The following HOXD4 variants were observed in gnomAD, a reference collection of about 807,000 sequenced individuals.
The protein encoded by HOXD4 is homeobox protein Hox-D4.
Under a neutral mutation model 22.6 loss-of-function variants are expected in HOXD4, and 15 were observed. That is an observed-to-expected ratio of 0.67 (90% CI 0.45 to 1.02). The LOEUF is 1.02. HOXD4 is among the 50% of genes least tolerant of loss of function. HOXD4 has a pLI of 0.00. For synonymous variants in HOXD4, 176 were observed against 157.0 expected (o/e 1.12, Z -0.90); for missense variants, 350 against 346.6 (o/e 1.01, Z -0.08).
chr2:176,152,906 G>T lies in HOXD4; in HGVS notation c.732G>T (p.Met244Ile). 6.2e-7 allele frequency: 1 copy of T among 1,614,178 alleles called. No individual in the cohort carries two copies. Among genetic ancestry groups the T allele is most frequent in the South Asian group, 1.1e-5 (1 of 91,080 alleles). ...CCCCCAGCCAGCATTTACAGCCGAT[G>T]GCCAAAGACCACCACACGGACCTGA... ...SVAPSQHLQP[M>I]AKDHHTDLTT... is the part of the protein sequence containing the mutation. The change falls in exon 2 of 2, where the codon ATG (methionine) becomes ATT (isoleucine). Residue 244 changes from methionine to isoleucine, a missense_variant. Physicochemically the swap from Met to Ile is conservative, Grantham distance 10. Transcript: ENST00000306324. The surrounding 1 kb of genome is among the most constrained non-coding windows in gnomAD (Gnocchi z 5.2).
chr2:176,152,540 G>T lies in HOXD4; in HGVS notation c.434-68G>T. On this transcript the variant is annotated intron_variant, in intron 1 of 1. Transcript: ENST00000306324. The surrounding 1 kb of genome is among the most constrained non-coding windows in gnomAD (Gnocchi z 5.2). ...CCTCGGGGCGCGCCAGGAAGTGAGC[G>T]GCGGAGGCGAGGGGCCTAACTAGTG... 7.4e-7 allele frequency: 1 copy of T among 1,348,494 alleles called. No individual in the cohort carries two copies. The allele number at this position is 1,348,494 out of a possible 1,614,324, so 83.5% of individuals were successfully genotyped here.
chr2:176,151,604 A>G lies in HOXD4; in HGVS notation c.-30A>G. 2 of 1,590,472 alleles carry G rather than the reference A, an allele frequency of 1.3e-6. No homozygotes were observed. The highest frequency in any genetic ancestry group is 1.7e-6 in the Non-Finnish European group (2 of 1,159,804). ...AAGGAGAAAAAAAGACAACACGAGA[A>G]AAATTAGTATTTTCTACCTTCTGAA... On this transcript the variant is annotated 5_prime_UTR_variant, in exon 1 of 2. Coordinates refer to ENST00000306324, the MANE Select transcript of HOXD4 (RefSeq NM_014621.3).
chr2:176,152,894 T>A lies in HOXD4; in HGVS notation c.720T>A (p.His240Gln). ...CCTCCTCAGTCGCCCCCAGCCAGCA[T>A]TTACAGCCGATGGCCAAAGACCACC... ...SCSSSVAPSQ[H>Q]LQPMAKDHHT... The change falls in exon 2 of 2, where the codon CAT becomes CAA. Residue 240 changes from histidine to glutamine, a missense_variant. His to Gln is a conservative substitution (Grantham distance 24). Transcript: ENST00000306324. This position sits in a 1 kb window ranked among gnomAD's most constrained non-coding sequence, Gnocchi z 5.2. 1 of 1,614,164 alleles carries A rather than the reference T, an allele frequency of 6.2e-7. No homozygotes were observed. The highest frequency in any genetic ancestry group is 1.1e-5 in the South Asian group (1 of 91,084).
chr2:176,151,759 G>A lies in HOXD4; in HGVS notation c.126G>A (p.Gln42=), dbSNP rs1477068508. Residue 42 remains glutamine, a synonymous_variant, in exon 1 of 2, where the codon CAG becomes CAA. Transcript: ENST00000306324. ...QGADYYGGGA[Q]GADFQPPGLY... ...CCGACTACTACGGCGGCGGCGCGCA[G>A]GGCGCAGACTTCCAGCCCCCGGGGC... is the stretch of plus-strand genomic sequence containing the variant. 7 of 1,612,798 alleles carry A rather than the reference G, an allele frequency of 4.3e-6. No individual in the cohort carries two copies. The highest frequency in any genetic ancestry group is 5.9e-6 in the Non-Finnish European group (7 of 1,179,890).
Position 176,153,034 on chromosome 2 carries a change from T to G in HOXD4, c.*92T>G. On this transcript the variant is annotated 3_prime_UTR_variant, in exon 2 of 2. Coordinates refer to ENST00000306324, the MANE Select transcript of HOXD4 (RefSeq NM_014621.3). ...GGCCTGCTGTCACCTCGCTGGGCTC[T>G]AAGGTACTGTGGGGTGGACCTGGGA... 2 of 1,285,150 alleles carry G rather than the reference T, an allele frequency of 1.6e-6. No individual in the cohort carries two copies. Among genetic ancestry groups the G allele is most frequent in the Non-Finnish European group, 2.3e-6 (2 of 887,972 alleles). 79.6% of individuals were successfully genotyped at this position (1,285,150 alleles called of 1,614,324 possible). A position where few individuals can be genotyped will look rare whatever the true frequency, so the allele number is the denominator to read the frequency against.
Position 176,153,097 on chromosome 2 carries a change from C to A in HOXD4, c.*155C>A. 2 of 401,110 alleles carry A rather than the reference C, an allele frequency of 5.0e-6. No individual in the cohort carries two copies. Among genetic ancestry groups the A allele is most frequent in the Non-Finnish European group, 9.6e-6 (2 of 208,922 alleles). The allele number at this position is 401,110 out of a possible 1,614,324, so 24.8% of individuals were successfully genotyped here. On this transcript the variant is annotated 3_prime_UTR_variant, in exon 2 of 2. Coordinates refer to ENST00000306324, the MANE Select transcript of HOXD4 (RefSeq NM_014621.3). ...CCTCGGACTAGGTTAGCATCCTGCC[C>A]GAGGGCAGCCCCCTCCCTAGAGCGG...
chr2:176,151,882 C>A lies in HOXD4; in HGVS notation c.249C>A (p.Gly83=). The A allele has an allele frequency of 6.3e-7, 1 of 1,583,944 alleles. No individual in the cohort carries two copies. The highest frequency in any genetic ancestry group is 8.6e-7 in the Non-Finnish European group (1 of 1,164,824). Residue 83 remains glycine (G), a synonymous_variant, in exon 1 of 2, where the codon GGC becomes GGA. Transcript: ENST00000306324. ...LPARGHGQEP[G]GPGGHYAAPG... ...CGCGGGGTCACGGACAAGAGCCAGG[C>A]GGCCCCGGCGGTCACTACGCCGCTC...
In HOXD4 at chr2:176,152,961, C is replaced by G; in HGVS notation, c.*19C>G. On this transcript the variant is annotated 3_prime_UTR_variant, in exon 2 of 2. Coordinates refer to ENST00000306324, the MANE Select transcript of HOXD4 (RefSeq NM_014621.3). The surrounding 1 kb of genome is among the most constrained non-coding windows in gnomAD (Gnocchi z 5.2). Reference sequence around the variant, plus strand: ...CTTATAGAAGTGGGGACCCTGGGCCCATCTCTCCCTGCGCACCAGGCTGAG... The same window carrying G: ...CTTATAGAAGTGGGGACCCTGGGCCGATCTCTCCCTGCGCACCAGGCTGAG... 6.2e-7 allele frequency: 1 copy of G among 1,610,164 alleles called. No homozygotes were observed. The highest frequency in any genetic ancestry group is 8.5e-7 in the Non-Finnish European group (1 of 1,176,400).
rs767369282 is a variant in HOXD4 at position 176,152,013 on chromosome 2, T to C, written c.380T>C (p.Leu127Pro). ...DPKQPPSGTALKQPAVVYPWM... is the reference protein window; with the variant it reads ...DPKQPPSGTAPKQPAVVYPWM... ...AAGCAGCCGCCCTCCGGGACGGCAC[T>C]CAAGCAGCCGGCCGTGGTCTACCCC... The change falls in exon 1 of 2, where the codon CTC becomes CCC. Residue 127 changes from leucine (L) to proline (P), a missense_variant. Physicochemically the swap from Leu to Pro is moderately conservative, Grantham distance 98. Transcript: ENST00000306324. This position sits in a 1 kb window ranked among gnomAD's most constrained non-coding sequence, Gnocchi z 5.2. 3.7e-6 allele frequency: 6 copies of C among 1,613,424 alleles called. No homozygotes were observed. In the South Asian group the frequency reaches 6.6e-5, roughly 18 times the overall value.
rs1690572381 is a variant in HOXD4 at position 176,152,893 on chromosome 2, A to G, written c.719A>G (p.His240Arg). The stretch of plus-strand genomic sequence containing the variant: ...TCCTCCTCAGTCGCCCCCAGCCAGC[A>G]TTTACAGCCGATGGCCAAAGACCAC... ...SCSSSVAPSQHLQPMAKDHHT... is the reference protein window; with the variant it reads ...SCSSSVAPSQRLQPMAKDHHT... Residue 240 changes from histidine (H) to arginine (R), a missense_variant, in exon 2 of 2, where the codon CAT (histidine) becomes CGT (arginine). By Grantham distance (29) the His-to-Arg change is conservative. Coordinates refer to ENST00000306324, the MANE Select transcript of HOXD4 (RefSeq NM_014621.3). This position sits in a 1 kb window ranked among gnomAD's most constrained non-coding sequence, Gnocchi z 5.2. 6.2e-7 allele frequency: 1 copy of G among 1,614,018 alleles called. No homozygotes were observed. Among genetic ancestry groups the G allele is most frequent in the African/African-American group, 1.3e-5 (1 of 74,912 alleles).
rs1157665006 is a variant in HOXD4 at position 176,151,587 on chromosome 2, A to T, written c.-47A>T. On this transcript the variant is annotated 5_prime_UTR_variant, in exon 1 of 2. The change creates a premature stop within an existing upstream ORF in the 5' untranslated region. Coordinates refer to ENST00000306324, the MANE Select transcript of HOXD4 (RefSeq NM_014621.3). ...GTAGGAGGGCCCTATGGAAGGAGAAAAAAAGACAACACGAGAAAAATTAGT... is the reference window on the plus strand; with the variant it reads ...GTAGGAGGGCCCTATGGAAGGAGAATAAAAGACAACACGAGAAAAATTAGT... The T allele has an allele frequency of 6.4e-7, 1 of 1,559,800 alleles. No homozygotes were observed. The highest frequency in any genetic ancestry group is 1.1e-5 in the South Asian group (1 of 89,504).
rs1690577629 is a variant in HOXD4 at position 176,153,082 on chromosome 2, G to C, written c.*140G>C. ...GGACAAGCAGGCCGCCCTCGGACTA[G>C]GTTAGCATCCTGCCCGAGGGCAGCC... On this transcript the variant is annotated 3_prime_UTR_variant, in exon 2 of 2. Coordinates refer to ENST00000306324, the MANE Select transcript of HOXD4 (RefSeq NM_014621.3). 6.7e-6 allele frequency: 5 copies of C among 743,928 alleles called. No homozygotes were observed. The highest frequency in any genetic ancestry group is 1.1e-5 in the Non-Finnish European group (5 of 445,162). 46.1% of individuals were successfully genotyped at this position (743,928 alleles called of 1,614,324 possible).
chr2:176,152,527 C>A lies in HOXD4; in HGVS notation c.434-81C>A. ...GGAGGGCCGCGGGCCTCGGGGCGCG[C>A]CAGGAAGTGAGCGGCGGAGGCGAGG... On this transcript the variant is annotated intron_variant, in intron 1 of 1. Transcript: ENST00000306324. This position sits in a 1 kb window ranked among gnomAD's most constrained non-coding sequence, Gnocchi z 5.2. The A allele has an allele frequency of 8.0e-7, 1 of 1,251,398 alleles. No homozygotes were observed. The highest frequency in any genetic ancestry group is 1.2e-6 in the Non-Finnish European group (1 of 860,714). The allele number at this position is 1,251,398 out of a possible 1,614,324, so 77.5% of individuals were successfully genotyped here.
chr2:176,152,477 A>G lies in HOXD4; in HGVS notation c.434-131A>G, dbSNP rs1690557702. The G allele has an allele frequency of 5.3e-6, 4 of 752,478 alleles. No individual in the cohort carries two copies. The highest frequency in any genetic ancestry group is 1.8e-5 in the African/African-American group (1 of 56,790). 46.6% of individuals were successfully genotyped at this position (752,478 alleles called of 1,614,324 possible). A position where few individuals can be genotyped will look rare whatever the true frequency, so the allele number is the denominator to read the frequency against. On this transcript the variant is annotated intron_variant, in intron 1 of 1. Coordinates refer to ENST00000306324, the MANE Select transcript of HOXD4 (RefSeq NM_014621.3). This position sits in a 1 kb window ranked among gnomAD's most constrained non-coding sequence, Gnocchi z 5.2. ...GCCGGGGAGAGGGCGGGAGGGAGGAAGCAAGCGAGCTTGGGAGCGCGCGGG... is the reference window on the plus strand; with the variant it reads ...GCCGGGGAGAGGGCGGGAGGGAGGAGGCAAGCGAGCTTGGGAGCGCGCGGG...
Position 176,151,724 on chromosome 2 carries a change from GA to G in HOXD4, c.92del (p.Glu31GlyfsTer107). The G allele has an allele frequency of 6.2e-7, 1 of 1,613,444 alleles. No individual in the cohort carries two copies. Among genetic ancestry groups the G allele is most frequent in the East Asian group, 2.2e-5 (1 of 44,872 alleles). On this transcript the variant is annotated frameshift_variant, in exon 1 of 2. Transcript: ENST00000306324. LOFTEE classifies it high-confidence loss of function. ...EEYLQGGYLG[E>X]QGADYYGGGA... is the part of the protein sequence containing the mutation. ...GTATTTGCAGGGCGGCTACCTAGGCGAGCAGGGCGCCGACTACTACGGCGGC... is the reference window on the plus strand; with the variant it reads ...GTATTTGCAGGGCGGCTACCTAGGCGGCAGGGCGCCGACTACTACGGCGGC...
Position 176,153,089 on chromosome 2 carries a change from A to G in HOXD4, c.*147A>G, listed in dbSNP as rs1222037701. 1.9e-6 allele frequency: 1 copy of G among 532,678 alleles called. No individual in the cohort carries two copies. Among genetic ancestry groups the G allele is most frequent in the Non-Finnish European group, 3.4e-6 (1 of 298,470 alleles). The allele number at this position is 532,678 out of a possible 1,614,324, so 33.0% of individuals were successfully genotyped here. On this transcript the variant is annotated 3_prime_UTR_variant, in exon 2 of 2. Coordinates refer to ENST00000306324, the MANE Select transcript of HOXD4 (RefSeq NM_014621.3). ...CAGGCCGCCCTCGGACTAGGTTAGC[A>G]TCCTGCCCGAGGGCAGCCCCCTCCC...
chr2:176,151,907 C>A lies in HOXD4; in HGVS notation c.274C>A (p.Pro92Thr), dbSNP rs376322574. Reference protein sequence around the residue: ...PGGPGGHYAAPGEPCPAPPAP... With the variant: ...PGGPGGHYAATGEPCPAPPAP... ...CGGCCCCGGCGGTCACTACGCCGCTCCAGGAGAGCCTTGCCCAGCTCCCCC... is the reference window on the plus strand; with the variant it reads ...CGGCCCCGGCGGTCACTACGCCGCTACAGGAGAGCCTTGCCCAGCTCCCCC... The change falls in exon 1 of 2, where the codon CCA (proline) becomes ACA (threonine). Residue 92 changes from proline (P) to threonine (T), a missense_variant. Pro to Thr is a conservative substitution (Grantham distance 38, BLOSUM62 -1). Coordinates refer to ENST00000306324, the MANE Select transcript of HOXD4 (RefSeq NM_014621.3). 5.2e-4 allele frequency: 829 copies of A among 1,594,988 alleles called. No homozygotes were observed. The highest frequency in any genetic ancestry group is 6.7e-4 in the South Asian group (60 of 89,520).
In HOXD4 at chr2:176,152,849, A is replaced by T; in HGVS notation, c.675A>T (p.Ser225=). 1.9e-6 allele frequency: 3 copies of T among 1,613,988 alleles called. No homozygotes were observed. Among genetic ancestry groups the T allele is most frequent in the Non-Finnish European group, 2.5e-6 (3 of 1,180,010 alleles). ...ACACTAAAGGCAGGTCATCGTCCTC[A>T]TCTTCCTCCTCATCTTGCTCCTCCT... ...LPNTKGRSSS[S]SSSSSCSSSV... The change falls in exon 2 of 2, where the codon TCA becomes TCT. Residue 225 remains serine (S), a synonymous_variant. Transcript: ENST00000306324. The surrounding 1 kb of genome is among the most constrained non-coding windows in gnomAD (Gnocchi z 5.2).
At position 176,152,955 on chromosome 2, in the gene HOXD4, T is replaced by TCTTATAGAAGTGG; in HGVS notation, c.*13_*14insCTTATAGAAGTGG. The TCTTATAGAAGTGG allele has an allele frequency of 1.2e-5, 20 of 1,612,052 alleles. No homozygotes were observed. Among genetic ancestry groups the TCTTATAGAAGTGG allele is most frequent in the Non-Finnish European group, 1.6e-5 (19 of 1,178,180 alleles). ...GACGACCTTATAGAAGTGGGGACCC[T>TCTTATAGAAGTGG]GGGCCCATCTCTCCCTGCGCACCAG... On this transcript the variant is annotated 3_prime_UTR_variant, in exon 2 of 2. Coordinates refer to ENST00000306324, the MANE Select transcript of HOXD4 (RefSeq NM_014621.3). This position sits in a 1 kb window ranked among gnomAD's most constrained non-coding sequence, Gnocchi z 5.2.
Sources: allele counts gnomAD v4.1 joint callset, GRCh38; gene constraint gnomAD v4.1.1; non-coding constraint Gnocchi (gnomAD v3.1); transcripts MANE v1.5; gene names NCBI Gene and HGNC (gene_info 2026-07-23, HGNC 2026-07-21).